Variants in IL1RAPL1 observed in about 807,000 individuals in gnomAD.
IL1RAPL1 encodes interleukin-1 receptor accessory protein-like 1.
IL1RAPL1 carries 3 observed loss-of-function variants against 48.4 expected under a neutral mutation model. That is an observed-to-expected ratio of 0.06 (90% CI 0.03 to 0.16). IL1RAPL1 has a LOEUF of 0.16. IL1RAPL1 is among the 10% of genes least tolerant of loss of function. The pLI, the probability that IL1RAPL1 is intolerant of heterozygous loss-of-function variation, is 1.00. For synonymous variants in IL1RAPL1, 185 were observed against 187.7 expected, an observed-to-expected ratio of 0.99 and a Z score of 0.12; for missense variants, 349 against 530.6, an observed-to-expected ratio of 0.66 and a Z score of 3.36.
At chrX:29,944,302 A>G (rs1476561661) in intron 9 of IL1RAPL1, among the ~76,000 whole-genome samples, 2 of 111,467 alleles carry the variant, frequency 1.8e-5, no homozygotes, top group South Asian at 3.8e-4. Flanking sequence ...GCCTCCCTAT[A>G]TTAAAGCAGA....
chrX:28,911,402 T>C (rs1923355652), intron 2 of IL1RAPL1, among the ~76,000 whole-genome samples: 1 of 111,286 alleles, frequency 9.0e-6, no homozygotes, highest in Non-Finnish European at 1.9e-5. Context: ...CAATAATTCA[T>C]TTGACATGAA....
chrX:29,918,162 T>A (rs1932816904), intron 7 of IL1RAPL1, among the ~76,000 whole-genome samples: 4 of 67,355 alleles, frequency 5.9e-5, no homozygotes, highest in African/African-American at 2.4e-4. Flanking sequence ...TATATATATA[T>A]ATATATATAG....
chrX:29,091,707 A>G (rs1928095204), intron 2 of IL1RAPL1, among the ~76,000 whole-genome samples: 1 of 111,474 alleles, frequency 9.0e-6, no homozygotes, highest in Admixed American at 9.6e-5. Flanking sequence ...GAAAATATAC[A>G]GGGAGTACAC....
chrX:29,062,953 A>C (rs149055927), intron 2 of IL1RAPL1, among the ~76,000 whole-genome samples: 5 of 111,957 alleles, frequency 4.5e-5, no homozygotes, highest in Non-Finnish European at 9.4e-5. Flanking sequence ...GAAAATTTCT[A>C]TAGGCAACTT....
At chrX:29,189,507 A>G (rs913278871) in intron 2 of IL1RAPL1, among the ~76,000 whole-genome samples, 5 of 111,248 alleles carry the variant, frequency 4.5e-5, no homozygotes, top group African/African-American at 1.6e-4. Flanking sequence ...TTCCTGTTAT[A>G]TAAGTTCTCA....
At chrX:29,513,909 A>G (rs1935419694) in intron 5 of IL1RAPL1, among the ~76,000 whole-genome samples, 1 of 112,063 alleles carries the variant, frequency 8.9e-6, no homozygotes, top group South Asian at 3.7e-4. Context: ...CAATGGGTAA[A>G]GATGACAAAC....
intron 5 of IL1RAPL1, among the ~76,000 whole-genome samples, chrX:29,584,650 C>T (rs902237028): frequency 8.1e-5 from 9 of 111,569 alleles, no homozygotes; most frequent in African/African-American, 2.9e-4. Flanking sequence ...ACCTCCCAGG[C>T]TCAAGTGATC....
chrX:28,757,593 G>A (rs990180102), intron 1 of IL1RAPL1, among the ~76,000 whole-genome samples: 18 of 111,591 alleles, frequency 1.6e-4, no homozygotes, highest in African/African-American at 5.9e-4. Flanking sequence ...TGAAGGTGGT[G>A]CACCGCAGCA....
chrX:29,544,448 A>G (rs1177575832), intron 5 of IL1RAPL1, among the ~76,000 whole-genome samples: 2 of 111,695 alleles, frequency 1.8e-5, no homozygotes, highest in African/African-American at 6.5e-5. Context: ...CTGTGTGCAT[A>G]TAAATGGTAG....
chrX:28,735,675 G>A (rs1935813424), intron 1 of IL1RAPL1, among the ~76,000 whole-genome samples: 1 of 110,084 alleles, frequency 9.1e-6, no homozygotes, highest in South Asian at 3.9e-4. Context: ...GGGAGCCTGA[G>A]GCAGGAAGAT....
chrX:29,365,690 A>G (rs1933443325), intron 3 of IL1RAPL1, among the ~76,000 whole-genome samples: 1 of 109,023 alleles, frequency 9.2e-6, no homozygotes, highest in African/African-American at 3.3e-5. Context: ...GTCTCAAAAA[A>G]CAAAGAAAGA....
chrX:29,382,666 G>A (rs896660024), intron 3 of IL1RAPL1, among the ~76,000 whole-genome samples: 1 of 111,589 alleles, frequency 9.0e-6, no homozygotes, highest in Non-Finnish European at 1.9e-5. Flanking sequence ...ATAAGCCCTC[G>A]TTGCTGTTTT....
intron 2 of IL1RAPL1, among the ~76,000 whole-genome samples, chrX:29,122,710 G>A (rs916286321): frequency 1.8e-5 from 2 of 110,999 alleles, no homozygotes; most frequent in East Asian, 2.8e-4. Flanking sequence ...TAAACATGTC[G>A]TTGAATCACT....
At chrX:29,837,272 A>AAAAAAATATATATATATAT (rs1447926305) in intron 6 of IL1RAPL1, among the ~76,000 whole-genome samples, 1 of 72,146 alleles carries the variant, frequency 1.4e-5, no homozygotes, top group Admixed American at 1.7e-4. Flanking sequence ...AAAAAAAAAA[A>AAAAAAATATATATATATAT]ATATATATAT....
chrX:29,200,182 G>T (rs1048729917), intron 2 of IL1RAPL1, among the ~76,000 whole-genome samples: 2 of 111,111 alleles, frequency 1.8e-5, no homozygotes, highest in Non-Finnish European at 3.8e-5. Flanking sequence ...CAAAAAGTCA[G>T]GTCTATGTTA....
At chrX:29,735,989 G>C (rs1423030019) in intron 6 of IL1RAPL1, among the ~76,000 whole-genome samples, 3 of 112,016 alleles carry the variant, frequency 2.7e-5, no homozygotes, top group Non-Finnish European at 3.8e-5. Flanking sequence ...CCGTTAGCCA[G>C]GTTAAATTGG....
intron 6 of IL1RAPL1, among the ~76,000 whole-genome samples, chrX:29,757,467 C>T (rs1362129544): frequency 2.7e-5 from 3 of 111,973 alleles, no homozygotes; most frequent in Non-Finnish European, 5.6e-5. Flanking sequence ...TCATGCAAAT[C>T]GTATCAAGAA....
chrX:29,607,624 C>T (rs774812235), intron 5 of IL1RAPL1, among the ~76,000 whole-genome samples: 2 of 111,723 alleles, frequency 1.8e-5, no homozygotes, highest in Non-Finnish European at 3.8e-5. Flanking sequence ...GCATGTTTCT[C>T]TTTCATGGGA....
chrX:29,468,579 A>G (rs2147738364), intron 5 of IL1RAPL1, among the ~76,000 whole-genome samples: 1 of 112,245 alleles, frequency 8.9e-6, no homozygotes, highest in South Asian at 3.7e-4. Flanking sequence ...GTCTTGGCTC[A>G]TCACGGTGAC....
Sources: gnomAD v4.1 joint callset for allele counts (sites outside exome capture counted in the v4.1 genomes callset) on GRCh38, gnomAD v4.1.1 for gene constraint, MANE v1.5 for transcripts, NCBI Gene and HGNC (gene_info 2026-07-23, HGNC 2026-07-21) for gene names.